Variants in ARHGEF18 observed in about 807,000 individuals in gnomAD.
ARHGEF18 encodes rho guanine nucleotide exchange factor 18.
ARHGEF18 carries 93 observed loss-of-function variants against 155.7 expected under a neutral mutation model. The observed-to-expected ratio is 0.60, with a 90% CI of 0.50 to 0.71. The LOEUF is 0.71. Ranked by LOEUF, ARHGEF18 falls within the 30% of genes least tolerant of loss-of-function variation. The probability of loss-of-function intolerance (pLI) is 0.00; values close to 1 mark genes in which losing one functional copy is unlikely to be tolerated. For missense variants in ARHGEF18, 1,593 were observed against 1,816.1 expected (o/e 0.88, Z 2.23); for synonymous variants, 742 against 753.1 (o/e 0.99, Z 0.24).
chr19:7,433,223 T>C (rs1324263722), intron 10 of ARHGEF18, among the ~76,000 whole-genome samples: 2 of 151,248 alleles, frequency 1.3e-5, no homozygotes, highest in African/African-American at 4.9e-5. Flanking sequence ...TCCCAGCACT[T>C]TGGGAGGCCA....
chr19:7,409,340 AAAAAAAAG>A (rs1287160617), intron 10 of ARHGEF18, among the ~76,000 whole-genome samples: 1 of 150,760 alleles, frequency 6.6e-6, no homozygotes, highest in East Asian at 1.9e-4. Flanking sequence ...AAAAAAAAAA[AAAAAAAAG>A]ACTTAATGGC....
chr19:7,404,309 C>T (rs186777454), intron 10 of ARHGEF18, among the ~76,000 whole-genome samples: 1 of 152,026 alleles, frequency 6.6e-6, no homozygotes, highest in African/African-American at 2.4e-5. Flanking sequence ...GTTAGATGCT[C>T]GAGGGGCTTC....
At chr19:7,423,254 C>T (rs1018830534) in intron 10 of ARHGEF18, among the ~76,000 whole-genome samples, 1 of 152,024 alleles carries the variant, frequency 6.6e-6, no homozygotes, top group Admixed American at 6.6e-5. Flanking sequence ...TTTGAGTATT[C>T]GGGTTGGGTG....
chr19:7,470,846 G>C lies in ARHGEF18; in HGVS notation c.*548G>C, dbSNP rs865902939. ...ATCCACTTCCCAAACAGAGCCCCAC[G>C]CAGGTTCACCATGAACCTCAGGGTC... On this transcript the variant is annotated 3_prime_UTR_variant, in exon 29 of 29. Coordinates refer to ENST00000668164, the MANE Select transcript of ARHGEF18 (RefSeq NM_001367823.1). The surrounding 1 kb of genome is among the most constrained non-coding windows in gnomAD (Gnocchi z 5.9). The C allele has an allele frequency of 2.5e-6, 1 of 401,070 alleles. No individual in the cohort carries two copies. Among genetic ancestry groups the C allele is most frequent in the Non-Finnish European group, 4.4e-6 (1 of 226,260 alleles). 24.8% of individuals were successfully genotyped at this position (401,070 alleles called of 1,614,324 possible). A position where few individuals can be genotyped will look rare whatever the true frequency, so the allele number is the denominator to read the frequency against.
downstream of ARHGEF18, among the ~76,000 whole-genome samples, chr19:7,474,504 G>A (rs1020301183): frequency 1.3e-5 from 2 of 151,872 alleles, no homozygotes; most frequent in Non-Finnish European, 2.9e-5. Context: ...TCAGCCTCCC[G>A]AGTAGCTGGG....
Position 7,470,079 on chromosome 19 carries a change from C to G in ARHGEF18, c.3914-47C>G. The G allele has an allele frequency of 6.2e-7, 1 of 1,611,046 alleles. No individual in the cohort carries two copies. Among genetic ancestry groups the G allele is most frequent in the Admixed American group, 1.7e-5 (1 of 59,822 alleles). The stretch of plus-strand genomic sequence containing the variant: ...GCCCAGTCCCAGGGCAGCGGGGCTG[C>G]GGCACCACCCGGCGACTGCTCAGTC... On this transcript the variant is annotated intron_variant, in intron 28 of 28. Transcript: ENST00000668164. This position sits in a 1 kb window ranked among gnomAD's most constrained non-coding sequence, Gnocchi z 5.9.
At chr19:7,402,146 C>T (rs139411892) in intron 10 of ARHGEF18, among the ~76,000 whole-genome samples, 2 of 152,236 alleles carry the variant, frequency 1.3e-5, no homozygotes, top group African/African-American at 2.4e-5. Flanking sequence ...GTAGGCTGGG[C>T]GCAGTGGCTC....
chr19:7,414,723 C>T (rs983619605), intron 10 of ARHGEF18, among the ~76,000 whole-genome samples: 11 of 151,938 alleles, frequency 7.2e-5, no homozygotes, highest in East Asian at 1.9e-4. Flanking sequence ...GCAGGAGAAT[C>T]GCTTGAACCC....
chr19:7,458,789 C>T, intron 19 of ARHGEF18, 99 bp downstream of exon 19: 2 of 1,343,882 alleles, frequency 1.5e-6, no homozygotes, highest in Non-Finnish European at 1.0e-6. Flanking sequence ...ACCTTGAACT[C>T]CCTCATCCCA....
intron 11 of ARHGEF18, among the ~76,000 whole-genome samples, chr19:7,441,292 A>G (rs12719935): frequency 0.41 from 61,448 of 149,524 alleles, 13,227 homozygotes; most frequent in East Asian, 0.6. Flanking sequence ...TGATTCCCCT[A>G]CCTCAGCCTC....
At chr19:7,355,536 G>A (rs888499023) in intron 1 of ARHGEF18, 3 of 813,202 alleles carry the variant, frequency 3.7e-6, no homozygotes, top group Admixed American at 1.2e-4. Context: ...AGACCTTGGA[G>A]GCAGTCTCCG....
At chr19:7,477,166 G>T, downstream of ARHGEF18, 1 of 1,408,220 alleles carries the variant, frequency 7.1e-7, no homozygotes, top group Non-Finnish European at 9.3e-7. Context: ...GGCCCTCCGT[G>T]GGCTCTGGCT....
Position 7,457,663 on chromosome 19 carries a change from A to G in ARHGEF18, c.2182-849A>G, listed in dbSNP as rs72999517. On this transcript the variant is annotated intron_variant, in intron 18 of 28. Coordinates refer to ENST00000668164, the MANE Select transcript of ARHGEF18 (RefSeq NM_001367823.1). ...CAGGAGTGAGCCACCACACCCGCAC[A>G]TTAATCACCTCTTTAAAGGCCCCAT... is the stretch of plus-strand genomic sequence containing the variant. Among the ~76,000 whole-genome samples, 15 of 151,734 alleles carry G rather than the reference A, an allele frequency of 9.9e-5. No individual in the cohort carries two copies. In the East Asian group the frequency reaches 1.2e-3, roughly 12 times the overall value.
At chr19:7,358,656 CT>C (rs1969424801) in intron 1 of ARHGEF18, among the ~76,000 whole-genome samples, 1 of 152,314 alleles carries the variant, frequency 6.6e-6, no homozygotes, top group Admixed American at 6.5e-5. Context: ...AGAGGATAGC[CT>C]GGTGATTGGG....
At chr19:7,449,391 T>C (rs1287397934) in intron 15 of ARHGEF18, among the ~76,000 whole-genome samples, 1 of 152,084 alleles carries the variant, frequency 6.6e-6, no homozygotes, top group East Asian at 1.9e-4. Context: ...CTGGGGAATA[T>C]GGCGAAACCT....
chr19:7,367,136 T>G (rs1165775246), intron 2 of ARHGEF18, among the ~76,000 whole-genome samples: 1 of 152,158 alleles, frequency 6.6e-6, no homozygotes, highest in Non-Finnish European at 1.5e-5. Flanking sequence ...GCATCTCATT[T>G]CACCTGCACA....
At chr19:7,436,716 G>A (rs34099784) in intron 10 of ARHGEF18, among the ~76,000 whole-genome samples, 28,731 of 152,140 alleles carry the variant, frequency 0.19, 3,022 homozygotes, top group Non-Finnish European at 0.23. Context: ...GATACATCTC[G>A]GGATTTGCGC....
intron 10 of ARHGEF18, chr19:7,383,500 C>T (rs764189786): frequency 2.5e-6 from 1 of 397,466 alleles, no homozygotes; most frequent in Non-Finnish European, 4.4e-6. Flanking sequence ...GACAAAGTAC[C>T]ATGCACCAGG....
intron 10 of ARHGEF18, among the ~76,000 whole-genome samples, chr19:7,435,062 C>T (rs747644351): frequency 2.0e-5 from 3 of 152,064 alleles, no homozygotes; most frequent in Non-Finnish European, 4.4e-5. Context: ...ATTAGCTGGG[C>T]GTGGTGGCAG....
Sources: gnomAD v4.1 joint callset for allele counts (sites outside exome capture counted in the v4.1 genomes callset) on GRCh38, gnomAD v4.1.1 for gene constraint, Gnocchi (gnomAD v3.1) non-coding constraint, MANE v1.5 for transcripts, NCBI Gene and HGNC (gene_info 2026-07-23, HGNC 2026-07-21) for gene names.